The following PPP1CB variants were observed in gnomAD, a reference collection of about 807,000 sequenced individuals.
PPP1CB encodes the protein serine/threonine-protein phosphatase PP1-beta catalytic subunit.
A neutral mutation model predicts 43.7 loss-of-function variants in PPP1CB; 2 were observed. The observed-to-expected ratio is 0.05, with a 90% CI of 0.02 to 0.14. The LOEUF (loss-of-function observed/expected upper bound fraction) is 0.14, where lower values mean the gene tolerates loss of function less well. Ranked by LOEUF, PPP1CB falls within the 10% of genes least tolerant of loss-of-function variation. PPP1CB has a pLI of 1.00. For missense variants in PPP1CB, 84 were observed against 398.0 expected, an observed-to-expected ratio of 0.21 and a Z score of 6.71; for synonymous variants, 136 against 135.6, an observed-to-expected ratio of 1.00 and a Z score of -0.02.
In PPP1CB at chr2:28,752,087, T is replaced by C. The variant is rs1219337664; in HGVS notation, c.-38T>C. ...GCAGCCTCCGCCGCCGAGAAGCCCT[T>C]GTTCCCGCTGCTGGGAAGGAGAGTC... On this transcript the variant is annotated 5_prime_UTR_variant, in exon 1 of 8. Transcript: ENST00000395366. The C allele has an allele frequency of 2.6e-6, 4 of 1,547,512 alleles. No homozygotes were observed. The highest frequency in any genetic ancestry group is 1.2e-5 in the South Asian group (1 of 83,992).
rs115571005 is a variant in PPP1CB at position 28,763,854 on chromosome 2, C to T, written c.52+11678C>T. On this transcript the variant is annotated intron_variant, in intron 1 of 7. Transcript: ENST00000395366. ...CGAGTAATCTGGGATTACAGGTGCGCGCCACCACACCTGGCTTATTTTCGT... is the reference window on the plus strand; with the variant it reads ...CGAGTAATCTGGGATTACAGGTGCGTGCCACCACACCTGGCTTATTTTCGT... Among the ~76,000 whole-genome samples the T allele has an allele frequency of 2.4e-3, 361 of 152,080 alleles. 2 individuals carry two copies. Among genetic ancestry groups the T allele is most frequent in the African/African-American group, 7.3e-3 (304 of 41,516 alleles).
At chr2:28,776,775 T>C in intron 1 of PPP1CB, 76 bp from the exon 2 acceptor site, 3 of 1,406,160 alleles carry the variant, frequency 2.1e-6, no homozygotes, top group Admixed American at 2.0e-5. Flanking sequence ...ATTTTTAAAG[T>C]ATGGGCATGA....
chr2:28,794,447 T>C (rs567948326), intron 7 of PPP1CB, among the ~76,000 whole-genome samples: 7 of 152,274 alleles, frequency 4.6e-5, no homozygotes, highest in African/African-American at 1.7e-4. Flanking sequence ...TCCCAGCACT[T>C]CGGGAGGCTG....
chr2:28,782,147 A>C (rs1667168146), intron 4 of PPP1CB, among the ~76,000 whole-genome samples: 1 of 152,168 alleles, frequency 6.6e-6, no homozygotes, highest in African/African-American at 2.4e-5. Context: ...AAATGAGAGG[A>C]TATCTTCCTG....
intron 7 of PPP1CB, among the ~76,000 whole-genome samples, chr2:28,794,281 G>A (rs1388604500): frequency 6.6e-6 from 1 of 152,160 alleles, no homozygotes; most frequent in East Asian, 1.9e-4. Flanking sequence ...TTGAATAGTG[G>A]CTTACTAAAA....
At chr2:28,755,871 A>G (rs776195423) in intron 1 of PPP1CB, among the ~76,000 whole-genome samples, 3 of 152,196 alleles carry the variant, frequency 2.0e-5, no homozygotes, top group Admixed American at 6.5e-5. Context: ...TAGTATGTCT[A>G]TTATGTGTCA....
chr2:28,789,121 G>A (rs2148057086), intron 6 of PPP1CB, among the ~76,000 whole-genome samples: 1 of 152,318 alleles, frequency 6.6e-6, no homozygotes, highest in South Asian at 2.1e-4. Context: ...AAGGAAAGCA[G>A]TAGGAGAGGT....
intron 1 of PPP1CB, among the ~76,000 whole-genome samples, chr2:28,772,109 G>C (rs1666927229): frequency 6.6e-6 from 1 of 152,100 alleles, no homozygotes; most frequent in Non-Finnish European, 1.5e-5. Flanking sequence ...TTGAGGTTAG[G>C]AGTTCGAGAT....
chr2:28,766,403 A>G (rs1666777796), intron 1 of PPP1CB, among the ~76,000 whole-genome samples: 3 of 152,248 alleles, frequency 2.0e-5, no homozygotes, highest in Admixed American at 2.0e-4. Context: ...TTCCACAAAA[A>G]AACTGCACCA....
intron 7 of PPP1CB, among the ~76,000 whole-genome samples, chr2:28,794,440 C>A (rs1367266231): frequency 6.6e-6 from 1 of 152,166 alleles, no homozygotes; most frequent in Non-Finnish European, 1.5e-5. Flanking sequence ...CCTGTAATCC[C>A]AGCACTTCGG....
intron 1 of PPP1CB, among the ~76,000 whole-genome samples, chr2:28,762,752 A>G (rs915827483): frequency 2.0e-5 from 3 of 152,216 alleles, no homozygotes; most frequent in East Asian, 1.9e-4. Flanking sequence ...GTTCATTTGG[A>G]TAATATTGAT....
intron 3 of PPP1CB, 96 bp downstream of exon 3, chr2:28,779,135 A>G (rs915608837): frequency 1.1e-6 from 1 of 926,360 alleles, no homozygotes; most frequent in African/African-American, 1.7e-5. Context: ...AGTTTTTTCA[A>G]AATAAGATCT....
intron 3 of PPP1CB, among the ~76,000 whole-genome samples, chr2:28,780,410 G>T (rs189364907): frequency 2.0e-5 from 3 of 152,256 alleles, no homozygotes; most frequent in Admixed American, 1.3e-4. Context: ...CATTCTAATA[G>T]AAATGATTCT....
At chr2:28,783,522 C>T (rs1270600290) in intron 4 of PPP1CB, among the ~76,000 whole-genome samples, 2 of 152,058 alleles carry the variant, frequency 1.3e-5, no homozygotes, top group Admixed American at 6.6e-5. Flanking sequence ...CTTTGGGAGG[C>T]CAAGGTGGTT....
chr2:28,786,530 C>A (rs140383539), intron 5 of PPP1CB, among the ~76,000 whole-genome samples: 140 of 152,172 alleles, frequency 9.2e-4, no homozygotes, highest in African/African-American at 2.4e-3. Flanking sequence ...AAACTCTATT[C>A]TAATTTTATA....
intron 1 of PPP1CB, among the ~76,000 whole-genome samples, chr2:28,761,209 G>A (rs1666638484): frequency 6.6e-6 from 1 of 152,072 alleles, no homozygotes; most frequent in Non-Finnish European, 1.5e-5. Context: ...CTTCTGAGGG[G>A]GAGAAACTTG....
chr2:28,785,822 A>G (rs1318799914), intron 5 of PPP1CB, among the ~76,000 whole-genome samples: 1 of 152,084 alleles, frequency 6.6e-6, no homozygotes, highest in East Asian at 1.9e-4. Context: ...AAAAACACCC[A>G]AAGTGCTATT....
chr2:28,770,576 AG>A (rs1666884985), intron 1 of PPP1CB, among the ~76,000 whole-genome samples: 1 of 152,174 alleles, frequency 6.6e-6, no homozygotes, highest in Non-Finnish European at 1.5e-5. Flanking sequence ...GTAATAGTAT[AG>A]GTCTAAAACT....
chr2:28,757,251 T>A (rs1443801186), intron 1 of PPP1CB, among the ~76,000 whole-genome samples: 1 of 152,268 alleles, frequency 6.6e-6, no homozygotes, highest in Admixed American at 6.5e-5. Context: ...ATTGTATGTA[T>A]ACACCACATT....
Sources: gnomAD v4.1 joint callset for allele counts (sites outside exome capture counted in the v4.1 genomes callset) on GRCh38, gnomAD v4.1.1 for gene constraint, MANE v1.5 for transcripts, NCBI Gene and HGNC (gene_info 2026-07-23, HGNC 2026-07-21) for gene names.